The following ESRRG variants were observed in gnomAD, a reference collection of about 807,000 sequenced individuals.
ESRRG encodes the protein estrogen related receptor gamma.
Under a neutral mutation model 44.0 loss-of-function variants are expected in ESRRG, and 13 were observed. The ratio of observed to expected loss-of-function variants is 0.30; its 90% CI spans 0.19 to 0.47. The LOEUF (loss-of-function observed/expected upper bound fraction) is 0.47, where lower values mean the gene tolerates loss of function less well. ESRRG is among the 20% of genes least tolerant of loss of function. ESRRG has a pLI of 1.00. For synonymous variants in ESRRG, 215 were observed against 214.6 expected (o/e 1.00, Z -0.02); for missense variants, 395 against 580.6 (o/e 0.68, Z 3.29).
chr1:217,036,827 GA>G (rs1412137186), intron 1 of ESRRG, among the ~76,000 whole-genome samples: 6 of 85,160 alleles, frequency 7.0e-5, no homozygotes, highest in Non-Finnish European at 1.9e-4. Context: ...TAAAAAAAAA[GA>G]AAAGAAAGAA....
At chr1:217,125,779 T>C (rs2092881713) in intron 1 of ESRRG, among the ~76,000 whole-genome samples, 1 of 152,224 alleles carries the variant, frequency 6.6e-6, no homozygotes, top group African/African-American at 2.4e-5. Flanking sequence ...TTTATTATTA[T>C]CATATGTGGT....
At position 216,510,873 on chromosome 1, in the gene ESRRG, C is replaced by CA. The variant is rs564745342; in HGVS notation, c.1133-3691dup. Among the ~76,000 whole-genome samples the CA allele has an allele frequency of 1.7e-3, 252 of 147,188 alleles. 1 individual carries two copies. The highest frequency in any genetic ancestry group is 4.0e-3 in the African/African-American group (163 of 40,256). Reference sequence around the variant, plus strand: ...TGGGCGACAGAGCCAGACTCCGTCTCAAAAAAAAAAGAAGAAAACATTAAT... The same window carrying CA: ...TGGGCGACAGAGCCAGACTCCGTCTCAAAAAAAAAAAGAAGAAAACATTAAT... On this transcript the variant is annotated intron_variant, in intron 6 of 6. Transcript: ENST00000408911.
At chr1:216,939,733 A>G (rs889570919) in intron 1 of ESRRG, 2 of 142,804 alleles carry the variant, frequency 1.4e-5, no homozygotes, top group Admixed American at 6.9e-5. Flanking sequence ...AAAAAAAAAA[A>G]GTAAGGTCAA....
chr1:216,802,943 G>A (rs770321502), intron 2 of ESRRG, among the ~76,000 whole-genome samples: 3 of 152,238 alleles, frequency 2.0e-5, no homozygotes, highest in South Asian at 2.1e-4. Flanking sequence ...CTCATGCCAT[G>A]CTGTTTTAGT....
At chr1:216,510,981 C>T (rs1055280671) in intron 6 of ESRRG, among the ~76,000 whole-genome samples, 5 of 152,144 alleles carry the variant, frequency 3.3e-5, no homozygotes, top group Admixed American at 1.3e-4. Flanking sequence ...CCATTCTTGG[C>T]AATACTTTCT....
chr1:216,664,998 C>T (rs914645203), intron 2 of ESRRG, among the ~76,000 whole-genome samples: 2 of 152,092 alleles, frequency 1.3e-5, no homozygotes, highest in East Asian at 3.8e-4. Flanking sequence ...GAGAGGAATG[C>T]ACAAAGAAAA....
intron 2 of ESRRG, among the ~76,000 whole-genome samples, chr1:216,815,899 G>GT (rs1368668898): frequency 2.0e-4 from 30 of 152,180 alleles, no homozygotes; most frequent in African/African-American, 7.2e-4. Context: ...GTTATTTGGT[G>GT]TCACTTGTTT....
At position 217,049,784 on chromosome 1, in the gene ESRRG, T is replaced by C. The variant is rs546660472; in HGVS notation, c.-106+39723A>G. ...CAGGGAGATCAGCCAGTGTCATTCG[T>C]GAGAAGTCAACAGCAGCTTTTCTGG... is the stretch of plus-strand genomic sequence containing the variant. On this transcript the variant is annotated intron_variant, in intron 1 of 7. Coordinates refer to the ESRRG transcript ENST00000359162. Among the ~76,000 whole-genome samples the C allele has an allele frequency of 9.2e-5, 14 of 152,204 alleles. No homozygotes were observed. In the East Asian group the frequency reaches 1.4e-3, roughly 15 times the overall value.
intron 1 of ESRRG, among the ~76,000 whole-genome samples, chr1:216,944,865 C>T (rs1159768077): frequency 6.6e-6 from 1 of 152,124 alleles, no homozygotes; most frequent in Non-Finnish European, 1.5e-5. Flanking sequence ...TTAGAACCTA[C>T]AGGAACGGCT....
chr1:217,108,740 C>T (rs1195249971), intron 1 of ESRRG, among the ~76,000 whole-genome samples: 1 of 152,012 alleles, frequency 6.6e-6, no homozygotes, highest in Non-Finnish European at 1.5e-5. Flanking sequence ...CCTGAGACCT[C>T]CCCAGAAGCC....
At position 216,972,424 on chromosome 1, in the gene ESRRG, C is replaced by G. The variant is rs577490412; in HGVS notation, c.-105-32751G>C. ...ACTGAGTACATTAATTGCTAGTTAC[C>G]AGAAAAAAATAACACCAAGTACACA... On this transcript the variant is annotated intron_variant, in intron 1 of 7. Transcript: ENST00000359162. Among the ~76,000 whole-genome samples the G allele has an allele frequency of 3.9e-4, 59 of 152,130 alleles. 1 individual carries two copies. The highest frequency in any genetic ancestry group is 3.4e-3 in the Middle Eastern group (1 of 294).
Position 217,136,499 on chromosome 1 carries a change from C to A in ESRRG, c.-230+1168G>T, listed in dbSNP as rs965776365. On this transcript the variant is annotated intron_variant, in intron 1 of 8. Coordinates refer to the ESRRG transcript ENST00000366940. Reference sequence around the variant, plus strand: ...GCTTGCTTGGGGGCGCCAGCTCTAGCGTAAGCCTGAGCTGCGAGATAGCTC... The same window carrying A: ...GCTTGCTTGGGGGCGCCAGCTCTAGAGTAAGCCTGAGCTGCGAGATAGCTC... Among the ~76,000 whole-genome samples the A allele has an allele frequency of 5.9e-5, 9 of 152,274 alleles. No individual in the cohort carries two copies. The South Asian group carries it at 1.0e-3, about 18-fold the overall frequency.
At chr1:216,525,831 A>G (rs2047492068) in intron 5 of ESRRG, among the ~76,000 whole-genome samples, 6 of 152,178 alleles carry the variant, frequency 3.9e-5, no homozygotes, top group Admixed American at 3.9e-4. Context: ...AACTAGGTCA[A>G]GAAATATCAG....
At chr1:216,676,378 C>T (rs1248355386) in intron 2 of ESRRG, among the ~76,000 whole-genome samples, 3 of 151,458 alleles carry the variant, frequency 2.0e-5, no homozygotes, top group African/African-American at 7.3e-5. Flanking sequence ...CATTCAATGC[C>T]ATTTTATTGG....
At chr1:216,964,513 A>G (rs1322362352) in intron 1 of ESRRG, among the ~76,000 whole-genome samples, 4 of 152,144 alleles carry the variant, frequency 2.6e-5, no homozygotes, top group Non-Finnish European at 5.9e-5. Flanking sequence ...GGGAGTTTAG[A>G]TAATGGCAGT....
At chr1:216,875,871 C>T (rs952440263) in intron 2 of ESRRG, among the ~76,000 whole-genome samples, 11 of 152,216 alleles carry the variant, frequency 7.2e-5, no homozygotes, top group Non-Finnish European at 1.2e-4. Flanking sequence ...ACACTCCCAC[C>T]GGCAGATATG....
intron 2 of ESRRG, among the ~76,000 whole-genome samples, chr1:216,733,958 G>A (rs377682126): frequency 8.1e-5 from 12 of 147,980 alleles, no homozygotes; most frequent in South Asian, 4.3e-4. Context: ...ACTCCAGCCC[G>A]GTCAACAGAG....
intron 2 of ESRRG, among the ~76,000 whole-genome samples, chr1:216,828,771 T>C (rs1296393905): frequency 1.3e-5 from 2 of 151,598 alleles, no homozygotes; most frequent in Non-Finnish European, 2.9e-5. Context: ...ATAACTTTGT[T>C]GCTGTGTTCT....
At chr1:216,907,584 A>T (rs1167033441) in intron 2 of ESRRG, among the ~76,000 whole-genome samples, 2 of 152,218 alleles carry the variant, frequency 1.3e-5, no homozygotes, top group Admixed American at 1.3e-4. Flanking sequence ...GCCAAGGAAT[A>T]GCGCCTTCCC....
Sources: gnomAD v4.1 joint callset for allele counts (sites outside exome capture counted in the v4.1 genomes callset) on GRCh38, gnomAD v4.1.1 for gene constraint, MANE v1.5 for transcripts, NCBI Gene and HGNC (gene_info 2026-07-23, HGNC 2026-07-21) for gene names.